KRCC1: variants seen among roughly 807,000 people sequenced by gnomAD.
KRCC1 encodes lysine-rich coiled-coil protein 1.
In KRCC1, 3 loss-of-function variants were observed where a neutral mutation model predicts 7.4. The ratio of observed to expected loss-of-function variants is 0.40; its 90% confidence interval spans 0.18 to 1.04. The LOEUF (loss-of-function observed/expected upper bound fraction) is 1.04, where lower values mean the gene tolerates loss of function less well. Ranked by LOEUF, KRCC1 falls within the 50% of genes least tolerant of loss-of-function variation. KRCC1 has a pLI of 0.33. For synonymous variants in KRCC1, 102 were observed against 101.6 expected, an observed-to-expected ratio of 1.00 and a Z score of -0.02; for missense variants, 277 against 300.9, an observed-to-expected ratio of 0.92 and a Z score of 0.59.
chr2:88,055,336 AT>A (rs1482706768), intron 1 of KRCC1, among the ~76,000 whole-genome samples: 1 of 151,378 alleles, frequency 6.6e-6, no homozygotes, highest in Non-Finnish European at 1.5e-5. Context: ...CCGGGTCTAG[AT>A]TTCCTCCGGG....
chr2:88,035,785 A>G (rs1011439646), intron 2 of KRCC1, among the ~76,000 whole-genome samples: 6 of 152,320 alleles, frequency 3.9e-5, no homozygotes, highest in Middle Eastern at 3.4e-3. Context: ...TAAAATTTCA[A>G]TGAAACTCAA....
chr2:88,027,776 T>A lies in KRCC1; in HGVS notation c.*8A>T, dbSNP rs772975964. The A allele has an allele frequency of 3.8e-6, 6 of 1,560,220 alleles. No homozygotes were observed. In the South Asian group the frequency reaches 7.4e-5, roughly 19 times the overall value. On this transcript the variant is annotated 3_prime_UTR_variant, in exon 4 of 4. Transcript: ENST00000347055. ...AATTTAACTTTGGGAGAACCAACTT[T>A]GAAAGCTTCAAAATCCAAGAATAGA...
rs542439486 is a variant in KRCC1, at chr2:88,039,329, A to T, written c.-290-2278T>A. 1.2e-4 allele frequency among the ~76,000 whole-genome samples: 19 copies of T among 152,332 alleles called. 1 individual carries two copies. Among genetic ancestry groups the T allele is most frequent in the East Asian group, 7.7e-4 (4 of 5,182 alleles). ...TATGGGTTAAAAAGATTTGCTTAAA[A>T]ATATTATGTGCTCAAGATAATTATA... On this transcript the variant is annotated intron_variant, in intron 1 of 3. Coordinates refer to ENST00000347055, the MANE Select transcript of KRCC1 (RefSeq NM_016618.3).
At position 88,028,014 on chromosome 2, in the gene KRCC1, A is replaced by T; in HGVS notation, c.550T>A (p.Cys184Ser). Residue 184 changes from cysteine to serine, a missense_variant, in exon 4 of 4, where the codon TGC (cysteine) becomes AGC (serine). Transcript: ENST00000347055. ...ERSKHKRKKS[C>S]EEIDLDKHKS... The stretch of plus-strand genomic sequence containing the variant: ...TGTTTGTCTAAGTCAATTTCCTCGC[A>T]GCTTTTTTTTCTCTTATGCTTAGAC... 6.2e-7 allele frequency: 1 copy of T among 1,613,552 alleles called. No individual in the cohort carries two copies. The highest frequency in any genetic ancestry group is 8.5e-7 in the Non-Finnish European group (1 of 1,179,918).
chr2:88,043,842 T>C (rs1457445889), intron 1 of KRCC1, among the ~76,000 whole-genome samples: 1 of 152,046 alleles, frequency 6.6e-6, no homozygotes, highest in African/African-American at 2.4e-5. Context: ...GCTAATTTTT[T>C]TGTATTTTTT....
At chr2:88,035,587 C>A (rs1178687309) in intron 2 of KRCC1, among the ~76,000 whole-genome samples, 4 of 152,092 alleles carry the variant, frequency 2.6e-5, no homozygotes, top group Non-Finnish European at 5.9e-5. Flanking sequence ...AAGGAATAAA[C>A]TGTTATGGGT....
intron 1 of KRCC1, among the ~76,000 whole-genome samples, chr2:88,038,443 CT>C (rs1673138707): frequency 6.6e-6 from 1 of 152,176 alleles, no homozygotes; most frequent in South Asian, 2.1e-4. Flanking sequence ...ATACAACTCT[CT>C]AGGGTATAAC....
intron 3 of KRCC1, 58 bp from the exon 4 acceptor site, chr2:88,028,643 T>A: frequency 1.2e-4 from 91 of 751,338 alleles, no homozygotes; most frequent in Non-Finnish European, 1.6e-4. Context: ...TTTCCTTTGC[T>A]CTTTTTTTTT....
At chr2:88,033,147 T>G (rs938619933) in intron 3 of KRCC1, among the ~76,000 whole-genome samples, 3 of 152,188 alleles carry the variant, frequency 2.0e-5, no homozygotes, top group African/African-American at 7.2e-5. Context: ...GCTATATACA[T>G]CTGCCAAAAC....
At chr2:88,029,458 AACT>A (rs1339341282) in intron 3 of KRCC1, among the ~76,000 whole-genome samples, 1 of 151,982 alleles carries the variant, frequency 6.6e-6, no homozygotes, top group East Asian at 1.9e-4. Flanking sequence ...ATAAGATGAA[AACT>A]ACTTTTAGGT....
chr2:88,054,312 A>T (rs913803038), intron 1 of KRCC1, among the ~76,000 whole-genome samples: 1 of 152,146 alleles, frequency 6.6e-6, no homozygotes, highest in Non-Finnish European at 1.5e-5. Flanking sequence ...TGTCAAAAAA[A>T]TTTTTACTGT....
At chr2:88,042,151 C>T (rs1463736625) in intron 1 of KRCC1, among the ~76,000 whole-genome samples, 1 of 151,732 alleles carries the variant, frequency 6.6e-6, no homozygotes, top group Non-Finnish European at 1.5e-5. Flanking sequence ...AGCTCCGCCT[C>T]CCAGGTTCAC....
intron 1 of KRCC1, among the ~76,000 whole-genome samples, chr2:88,052,091 C>T (rs994175441): frequency 3.3e-5 from 5 of 152,202 alleles, no homozygotes; most frequent in Admixed American, 3.3e-4. Flanking sequence ...GGCCAAAATC[C>T]CAATTGCAGG....
intron 3 of KRCC1, among the ~76,000 whole-genome samples, chr2:88,031,451 G>A (rs935362758): frequency 2.0e-5 from 3 of 151,608 alleles, no homozygotes; most frequent in Admixed American, 1.3e-4. Flanking sequence ...GTGAAACCCC[G>A]ACTCTACTAA....
intron 3 of KRCC1, among the ~76,000 whole-genome samples, chr2:88,030,765 C>A (rs1189568245): frequency 2.0e-5 from 3 of 152,166 alleles, no homozygotes; most frequent in Admixed American, 1.3e-4. Context: ...ACATTTACCC[C>A]ATATGATGCA....
chr2:88,036,477 T>G (rs1417917470), intron 2 of KRCC1, among the ~76,000 whole-genome samples: 3 of 152,106 alleles, frequency 2.0e-5, no homozygotes, highest in African/African-American at 7.2e-5. Context: ...AGTACAATCA[T>G]TAGACATTTT....
rs376712413 is a variant in KRCC1 at position 88,028,278 on chromosome 2, A to G, written c.286T>C (p.Leu96=). Residue 96 remains leucine (L), a synonymous_variant, in exon 4 of 4, where the codon TTG becomes CTG. Coordinates refer to ENST00000347055, the MANE Select transcript of KRCC1 (RefSeq NM_016618.3). The part of the protein sequence containing the change: ...PQWLPAHDSR[L]RLDSLSYCQF... Reference sequence around the variant, plus strand: ...CAGTAGCTCAGAGAGTCTAGTCTCAATCTGCTGTCATGGGCTGGTAACCAC... The same window carrying G: ...CAGTAGCTCAGAGAGTCTAGTCTCAGTCTGCTGTCATGGGCTGGTAACCAC... The G allele has an allele frequency of 1.2e-6, 2 of 1,614,200 alleles. No homozygotes were observed. Among genetic ancestry groups the G allele is most frequent in the Non-Finnish European group, 8.5e-7 (1 of 1,180,038 alleles).
chr2:88,034,237 AACC>A lies in KRCC1; in HGVS notation c.-129_-127del, dbSNP rs1182749421. 4 of 152,600 alleles carry A rather than the reference AACC, an allele frequency of 2.6e-5. No homozygotes were observed. Among genetic ancestry groups the A allele is most frequent in the African/African-American group, 9.7e-5 (4 of 41,448 alleles). The allele number at this position is 152,600 out of a possible 1,614,324, so 9.5% of individuals were successfully genotyped here. A position where few individuals can be genotyped will look rare whatever the true frequency, so the allele number is the denominator to read the frequency against. ...ACTACACAATAACTGGTGAGCTAAA[AACC>A]ACAATTCAGAGATCAAAAATCAATT... is the stretch of plus-strand genomic sequence containing the variant. On this transcript the variant is annotated 5_prime_UTR_variant, in exon 3 of 4. Coordinates refer to ENST00000347055, the MANE Select transcript of KRCC1 (RefSeq NM_016618.3).
chr2:88,051,977 GTGGCATCTC>G (rs1337982230), intron 1 of KRCC1, among the ~76,000 whole-genome samples: 2 of 152,234 alleles, frequency 1.3e-5, no homozygotes, highest in Non-Finnish European at 2.9e-5. Flanking sequence ...TAGGATATTT[GTGGCATCTC>G]TGGCCTATGC....
Sources: allele counts gnomAD v4.1 joint callset (sites outside exome capture counted in the v4.1 genomes callset), GRCh38; gene constraint gnomAD v4.1.1; transcripts MANE v1.5; gene names NCBI Gene and HGNC (gene_info 2026-07-23, HGNC 2026-07-21).